Variants in PRKN observed in about 807,000 individuals in gnomAD.
PRKN encodes parkin RBR E3 ubiquitin protein ligase.
In PRKN, 56 loss-of-function variants were observed where a neutral mutation model predicts 59.5. The ratio of observed to expected loss-of-function variants is 0.94; its 90% confidence interval spans 0.76 to 1.18. PRKN has a LOEUF of 1.18. Among genes scored for constraint, PRKN ranks in the 50% most tolerant of loss-of-function variants. PRKN has a pLI of 0.00. For synonymous variants in PRKN, 250 were observed against 222.1 expected (o/e 1.13, Z -1.12); for missense variants, 657 against 596.4 (o/e 1.10, Z -1.06).
chr6:162,226,063 TTAATAATAATAATAA>T (rs746613563), intron 3 of PRKN, among the ~76,000 whole-genome samples: 4 of 141,234 alleles, frequency 2.8e-5, no homozygotes, highest in Admixed American at 1.4e-4. Flanking sequence ...ATCAATAAGT[TTAATAATAATAATAA>T]TAATAATAAT....
At chr6:162,213,228 C>T (rs1041590960) in intron 3 of PRKN, among the ~76,000 whole-genome samples, 2 of 152,012 alleles carry the variant, frequency 1.3e-5, no homozygotes, top group African/African-American at 4.8e-5. Flanking sequence ...ATCAAGATGC[C>T]ATCTATCAAT....
chr6:161,433,218 A>C (rs952565642), intron 9 of PRKN, among the ~76,000 whole-genome samples: 7 of 152,224 alleles, frequency 4.6e-5, no homozygotes, highest in Non-Finnish European at 8.8e-5. Flanking sequence ...TACATTAATT[A>C]AAATGAAAAA....
chr6:161,687,476 T>C (rs1292681744), intron 7 of PRKN, among the ~76,000 whole-genome samples: 1 of 151,056 alleles, frequency 6.6e-6, no homozygotes, highest in Non-Finnish European at 1.5e-5. Flanking sequence ...AAATGTATGT[T>C]TTGAGATAGA....
At chr6:162,290,418 A>T (rs1004629232) in intron 2 of PRKN, among the ~76,000 whole-genome samples, 1 of 152,164 alleles carries the variant, frequency 6.6e-6, no homozygotes, top group African/African-American at 2.4e-5. Flanking sequence ...AAATATCAGA[A>T]TTTTTTCCTT....
chr6:162,194,034 T>C (rs937243624), intron 4 of PRKN, among the ~76,000 whole-genome samples: 1 of 152,206 alleles, frequency 6.6e-6, no homozygotes. Context: ...ATTTGGAAAA[T>C]GTTTTTTAAA....
At chr6:162,391,665 C>T (rs956828940) in intron 2 of PRKN, among the ~76,000 whole-genome samples, 8 of 152,196 alleles carry the variant, frequency 5.3e-5, no homozygotes, top group African/African-American at 1.9e-4. Flanking sequence ...TTTCGAACAT[C>T]TGCAATGACT....
chr6:161,985,056 T>C (rs376031162), intron 5 of PRKN, among the ~76,000 whole-genome samples: 28 of 152,290 alleles, frequency 1.8e-4, no homozygotes, highest in Admixed American at 9.2e-4. Context: ...TCCCCTGCAT[T>C]TCTCTCCCAA....
intron 4 of PRKN, among the ~76,000 whole-genome samples, chr6:162,184,219 A>T (rs937535329): frequency 6.6e-6 from 1 of 152,224 alleles, no homozygotes; most frequent in Non-Finnish European, 1.5e-5. Flanking sequence ...CCAATATTCA[A>T]TAAGCAAAAA....
At chr6:162,321,419 G>T (rs1222326946) in intron 2 of PRKN, among the ~76,000 whole-genome samples, 1 of 151,854 alleles carries the variant, frequency 6.6e-6, no homozygotes, top group Non-Finnish European at 1.5e-5. Flanking sequence ...TTTAGGCCCA[G>T]ATGTCTTCAC....
intron 5 of PRKN, among the ~76,000 whole-genome samples, chr6:162,051,206 T>TG (rs1252328539): frequency 6.6e-6 from 1 of 152,074 alleles, no homozygotes; most frequent in Non-Finnish European, 1.5e-5. Context: ...AGGGATTTGT[T>TG]GGGGAAGCCA....
At chr6:162,003,280 G>C (rs1782129770) in intron 5 of PRKN, among the ~76,000 whole-genome samples, 1 of 151,826 alleles carries the variant, frequency 6.6e-6, no homozygotes, top group Admixed American at 6.6e-5. Flanking sequence ...TTATATATGA[G>C]GACCTCCTGG....
rs377505183 is a variant in PRKN, at chr6:161,361,251, T to C, written c.1168-1046A>G. Among the ~76,000 whole-genome samples the C allele has an allele frequency of 6.6e-6, 1 of 152,362 alleles. No homozygotes were observed. The highest frequency in any genetic ancestry group is 1.9e-4 in the East Asian group (1 of 5,186). ...AAATGTTAAAGTTTTTGAGTCTTTA[T>C]AGATGAAGTATTATGAGGAAAATAA... is the stretch of plus-strand genomic sequence containing the variant. On this transcript the variant is annotated intron_variant, in intron 10 of 11. Transcript: ENST00000366898. This position sits in a 1 kb window ranked among gnomAD's most constrained non-coding sequence, Gnocchi z 5.2.
In PRKN at chr6:161,349,928, T is replaced by C; in HGVS notation, c.*171A>G. 1 of 663,944 alleles carries C rather than the reference T, an allele frequency of 1.5e-6. No individual in the cohort carries two copies. Among genetic ancestry groups the C allele is most frequent in the Non-Finnish European group, 2.8e-6 (1 of 361,996 alleles). 41.1% of individuals were successfully genotyped at this position (663,944 alleles called of 1,614,324 possible). ...TTTTTCATGGACATAGTGAAAGGGA[T>C]CCAGGAGTTTCTTCTGCAATTTGGC... On this transcript the variant is annotated 3_prime_UTR_variant, in exon 12 of 12. Transcript: ENST00000366898. The surrounding 1 kb of genome is among the most constrained non-coding windows in gnomAD (Gnocchi z 5.5).
intron 4 of PRKN, among the ~76,000 whole-genome samples, chr6:162,155,155 C>G (rs1001468699): frequency 3.3e-5 from 5 of 150,826 alleles, no homozygotes; most frequent in African/African-American, 1.2e-4. Context: ...TGAAAAATTA[C>G]TTCCCATTAG....
chr6:161,832,392 G>A (rs762994018), intron 6 of PRKN, among the ~76,000 whole-genome samples: 9 of 151,976 alleles, frequency 5.9e-5, no homozygotes, highest in Non-Finnish European at 1.0e-4. Context: ...TTGGGAGTCC[G>A]AGGTGGGCAG....
At chr6:162,171,520 G>A (rs1020898594) in intron 4 of PRKN, among the ~76,000 whole-genome samples, 2 of 152,102 alleles carry the variant, frequency 1.3e-5, no homozygotes, top group Non-Finnish European at 2.9e-5. Context: ...TCTACAGTAA[G>A]AGTTGAAGGA....
At chr6:162,069,953 A>G (rs1163159792) in intron 4 of PRKN, among the ~76,000 whole-genome samples, 2 of 152,230 alleles carry the variant, frequency 1.3e-5, no homozygotes, top group Admixed American at 1.3e-4. Context: ...AGTCTCCAAG[A>G]GACTATGATC....
chr6:162,575,041 A>G (rs1011688254), intron 1 of PRKN, among the ~76,000 whole-genome samples: 1 of 152,106 alleles, frequency 6.6e-6, no homozygotes, highest in Non-Finnish European at 1.5e-5. Context: ...TTCACCATAC[A>G]TAACATTTCA....
chr6:161,949,812 C>A (rs1779919891), intron 6 of PRKN, among the ~76,000 whole-genome samples: 1 of 152,178 alleles, frequency 6.6e-6, no homozygotes, highest in Admixed American at 6.5e-5. Flanking sequence ...GATTCCACAG[C>A]TTTTGGAGGG....
Sources: gnomAD v4.1 joint callset for allele counts (sites outside exome capture counted in the v4.1 genomes callset) on GRCh38, gnomAD v4.1.1 for gene constraint, Gnocchi (gnomAD v3.1) non-coding constraint, MANE v1.5 for transcripts, NCBI Gene and HGNC (gene_info 2026-07-23, HGNC 2026-07-21) for gene names.